The following PARD3B variants were observed in gnomAD, a reference collection of about 807,000 sequenced individuals.
PARD3B encodes partitioning defective 3 homolog B.
PARD3B carries 103 observed loss-of-function variants against 130.2 expected under a neutral mutation model. That is an observed-to-expected ratio of 0.79 (90% confidence interval 0.67 to 0.93). The LOEUF (loss-of-function observed/expected upper bound fraction) is 0.93. PARD3B is among the 40% of genes least tolerant of loss of function. The pLI is 0.00. For synonymous variants in PARD3B, 583 were observed against 553.2 expected, an observed-to-expected ratio of 1.05 and a Z score of -0.76; for missense variants, 1,609 against 1,499.2, an observed-to-expected ratio of 1.07 and a Z score of -1.21.
intron 1 of PARD3B, among the ~76,000 whole-genome samples, chr2:204,580,221 G>A (rs1011367156): frequency 4.6e-5 from 7 of 151,474 alleles, no homozygotes; most frequent in African/African-American, 1.7e-4. Flanking sequence ...GAAAGAGTGG[G>A]AGGCAGCCTT....
chr2:204,905,838 T>C (rs1424170522), intron 2 of PARD3B, among the ~76,000 whole-genome samples: 2 of 152,276 alleles, frequency 1.3e-5, no homozygotes, highest in South Asian at 2.1e-4. Context: ...AAAATGACTC[T>C]TGAGGACCAG....
chr2:205,380,776 A>G (rs1192879866), intron 18 of PARD3B, among the ~76,000 whole-genome samples: 1 of 105,286 alleles, frequency 9.5e-6, no homozygotes, highest in East Asian at 3.1e-4. Flanking sequence ...TATATAATAT[A>G]TAAAGAATAT....
At chr2:205,057,161 A>G (rs527711526) in intron 4 of PARD3B, among the ~76,000 whole-genome samples, 4 of 151,288 alleles carry the variant, frequency 2.6e-5, no homozygotes, top group Non-Finnish European at 5.9e-5. Flanking sequence ...TTATTGTTTC[A>G]TGAATAAAAT....
chr2:204,558,829 G>A (rs544570544), intron 1 of PARD3B, among the ~76,000 whole-genome samples: 159 of 152,208 alleles, frequency 1.0e-3, no homozygotes, highest in African/African-American at 3.5e-3. Flanking sequence ...GTATGGTACC[G>A]GTACCAAAAC....
chr2:205,094,047 C>T (rs752162512), intron 4 of PARD3B, among the ~76,000 whole-genome samples: 3 of 152,186 alleles, frequency 2.0e-5, no homozygotes, highest in African/African-American at 4.8e-5. Context: ...CCCTACTTCT[C>T]TCCATACAGT....
At chr2:205,302,325 C>G (rs1267010987) in intron 18 of PARD3B, among the ~76,000 whole-genome samples, 3 of 151,486 alleles carry the variant, frequency 2.0e-5, no homozygotes, top group Non-Finnish European at 4.4e-5. Context: ...TCTGCCTTGG[C>G]CTCCCAAAGT....
chr2:205,557,663 A>ATGAG (rs1253699128), intron 22 of PARD3B, among the ~76,000 whole-genome samples: 1 of 152,208 alleles, frequency 6.6e-6, no homozygotes, highest in East Asian at 1.9e-4. Flanking sequence ...TAGTGCCGGT[A>ATGAG]TGAGTATTAA....
intron 20 of PARD3B, among the ~76,000 whole-genome samples, chr2:205,478,982 C>A (rs1378516201): frequency 6.6e-6 from 1 of 151,914 alleles, no homozygotes; most frequent in Non-Finnish European, 1.5e-5. Flanking sequence ...AATTGCCAGC[C>A]GAAAACAGGA....
chr2:205,279,133 T>G (rs959040458), intron 16 of PARD3B, among the ~76,000 whole-genome samples: 1 of 146,000 alleles, frequency 6.8e-6, no homozygotes, highest in African/African-American at 2.5e-5. Flanking sequence ...ATTATTATAC[T>G]AAATTTTCCC....
chr2:205,052,423 A>G (rs957090580), intron 4 of PARD3B, among the ~76,000 whole-genome samples: 9 of 13,426 alleles, frequency 6.7e-4, no homozygotes, highest in African/African-American at 1.2e-3. Flanking sequence ...ATATATGTAT[A>G]TATATATATA....
At chr2:205,385,604 T>G (rs1413334779) in intron 18 of PARD3B, among the ~76,000 whole-genome samples, 1 of 152,132 alleles carries the variant, frequency 6.6e-6, no homozygotes, top group African/African-American at 2.4e-5. Flanking sequence ...CTACCCAATC[T>G]CTTTTACATC....
At chr2:205,245,001 C>T (rs1390075150) in intron 15 of PARD3B, among the ~76,000 whole-genome samples, 2 of 152,196 alleles carry the variant, frequency 1.3e-5, no homozygotes, top group African/African-American at 4.8e-5. Context: ...CATCAGTATT[C>T]AACTACATAT....
Position 205,287,187 on chromosome 2 carries a change from C to A in PARD3B, c.2186-13343C>A, listed in dbSNP as rs765737936. 6.6e-6 allele frequency among the ~76,000 whole-genome samples: 1 copy of A among 152,176 alleles called. No homozygotes were observed. Among genetic ancestry groups the A allele is most frequent in the South Asian group, 2.1e-4 (1 of 4,826 alleles). On this transcript the variant is annotated intron_variant, in intron 16 of 22. Coordinates refer to ENST00000406610, the MANE Select transcript of PARD3B (RefSeq NM_001302769.2). The surrounding 1 kb of genome is among the most constrained non-coding windows in gnomAD (Gnocchi z 4.8). ...AAGTGTCCGACCTGAGCAGAAACAA[C>A]TGGTGGTAACATGGATTGTTATGTG...
intron 19 of PARD3B, among the ~76,000 whole-genome samples, chr2:205,430,393 A>G (rs1043910925): frequency 6.6e-6 from 1 of 152,208 alleles, no homozygotes; most frequent in Non-Finnish European, 1.5e-5. Flanking sequence ...CTAAGCCTCC[A>G]GATGCACTGT....
At chr2:205,304,696 G>A (rs1476012847) in intron 18 of PARD3B, among the ~76,000 whole-genome samples, 2 of 151,442 alleles carry the variant, frequency 1.3e-5, no homozygotes, top group Non-Finnish European at 2.9e-5. Context: ...AGCACTTTGA[G>A]AGGCTGAGAT....
At chr2:204,687,317 A>G (rs563445090) in intron 2 of PARD3B, among the ~76,000 whole-genome samples, 4 of 152,162 alleles carry the variant, frequency 2.6e-5, no homozygotes, top group East Asian at 3.9e-4. Context: ...GTTTTGCTTT[A>G]TGTTGTTATT....
chr2:205,595,173 G>T (rs2054523900), intron 22 of PARD3B, among the ~76,000 whole-genome samples: 1 of 151,962 alleles, frequency 6.6e-6, no homozygotes, highest in Non-Finnish European at 1.5e-5. Context: ...CCTCTGAGTT[G>T]CACACTCTCT....
chr2:204,555,102 C>A (rs903132562), intron 1 of PARD3B, among the ~76,000 whole-genome samples: 1 of 152,112 alleles, frequency 6.6e-6, no homozygotes, highest in Admixed American at 6.5e-5. Flanking sequence ...TCCTGGTAGG[C>A]AACATTTCGC....
chr2:205,294,196 C>A (rs1296252197), intron 16 of PARD3B, among the ~76,000 whole-genome samples: 2 of 152,030 alleles, frequency 1.3e-5, no homozygotes, highest in African/African-American at 4.8e-5. Context: ...TTAAAACAAA[C>A]CAGCATGCTG....
Sources: gnomAD v4.1 joint callset for allele counts (sites outside exome capture counted in the v4.1 genomes callset) on GRCh38, gnomAD v4.1.1 for gene constraint, Gnocchi (gnomAD v3.1) non-coding constraint, MANE v1.5 for transcripts, NCBI Gene and HGNC (gene_info 2026-07-23, HGNC 2026-07-21) for gene names.